DPH6: variants seen among roughly 807,000 people sequenced by gnomAD.
DPH6 encodes diphthamine biosynthesis 6, also known as diphthine--ammonia ligase.
In DPH6, 33 loss-of-function variants were observed where a neutral mutation model predicts 38.2. The ratio of observed to expected loss-of-function variants is 0.86; its 90% confidence interval spans 0.65 to 1.15. The LOEUF (loss-of-function observed/expected upper bound fraction) is 1.15, where lower values mean the gene tolerates loss of function less well. Ranked by LOEUF, DPH6 falls within the 50% of genes most tolerant of loss-of-function variation. The pLI, the probability that DPH6 is intolerant of heterozygous loss-of-function variation, is 0.00. For synonymous variants in DPH6, 108 were observed against 103.0 expected (o/e 1.05, Z -0.30); for missense variants, 325 against 320.0 (o/e 1.02, Z -0.12).
chr15:35,189,119 C>T, the DPH6 span, among the ~76,000 whole-genome samples: 2 of 152,050 alleles, frequency 1.3e-5, no homozygotes, highest in Non-Finnish European at 2.9e-5. Context: ...CTTCTTTGTT[C>T]TAATTCTTAC....
intron 7 of DPH6, among the ~76,000 whole-genome samples, chr15:35,379,451 G>A (rs2052833240): frequency 6.6e-6 from 1 of 152,048 alleles, no homozygotes. Flanking sequence ...CTAAATGATT[G>A]GATCCAGAAT....
intron 3 of DPH6, among the ~76,000 whole-genome samples, chr15:35,355,765 G>A (rs1297262543): frequency 6.6e-6 from 1 of 152,064 alleles, no homozygotes; most frequent in Admixed American, 6.6e-5. Flanking sequence ...ATGTGTCTTG[G>A]AGTTGCTCTT....
chr15:35,515,291 T>C (rs1325672567), intron 3 of DPH6, among the ~76,000 whole-genome samples: 2 of 152,008 alleles, frequency 1.3e-5, no homozygotes. Context: ...TAGAACAAAA[T>C]CATCTGAAAA....
chr15:35,441,599 G>C (rs989906990), intron 5 of DPH6, among the ~76,000 whole-genome samples: 1 of 152,186 alleles, frequency 6.6e-6, no homozygotes, highest in Non-Finnish European at 1.5e-5. Flanking sequence ...TCGTAAGTGG[G>C]AGTTGAACAA....
chr15:35,223,418 A>G lies in DPH6; in HGVS notation n.201-2836T>C, dbSNP rs72707080. Among the ~76,000 whole-genome samples, 243 of 152,204 alleles carry G rather than the reference A, an allele frequency of 1.6e-3. 1 individual carries two copies. Among genetic ancestry groups the G allele is most frequent in the East Asian group, 4.1e-3 (21 of 5,168 alleles). ...AATAGCAATGAAGGCCGGGTGCCCT[A>G]GCTTACGCCTGTAATCCCTGCACTT... is the stretch of plus-strand genomic sequence containing the variant. On this transcript the variant is annotated intron_variant and non_coding_transcript_variant, in intron 3 of 3. Transcript: ENST00000560386.
chr15:35,492,498 G>C (rs931510020), intron 3 of DPH6, among the ~76,000 whole-genome samples: 2 of 152,054 alleles, frequency 1.3e-5, no homozygotes, highest in African/African-American at 2.4e-5. Flanking sequence ...CTGGTAATTG[G>C]TAATAATAAT....
rs1369614343 is a variant in DPH6, at chr15:35,241,610, T to G, written n.201-21028A>C. Among the ~76,000 whole-genome samples the G allele has an allele frequency of 7.7e-5, 11 of 142,606 alleles. 2 individuals carry two copies. The highest frequency in any genetic ancestry group is 3.8e-4 in the Admixed American group (5 of 13,112). The allele number at this position is 142,606 out of a possible 152,430, so 93.6% of individuals were successfully genotyped here. A position where few individuals can be genotyped will look rare whatever the true frequency, so the allele number is the denominator to read the frequency against. Reference sequence around the variant, plus strand: ...TAGCCACATCTCATTGCTGCCCTTCTTCCCAATCCAAAGCCTCCTTTGCGT... The same window carrying G: ...TAGCCACATCTCATTGCTGCCCTTCGTCCCAATCCAAAGCCTCCTTTGCGT... On this transcript the variant is annotated intron_variant and non_coding_transcript_variant, in intron 3 of 3. Transcript: ENST00000560386.
intron 3 of DPH6, among the ~76,000 whole-genome samples, chr15:35,337,949 T>C (rs1031468018): frequency 3.9e-5 from 6 of 152,044 alleles, no homozygotes; most frequent in Middle Eastern, 3.4e-3. Context: ...CCCTATTTAA[T>C]AAATGGTGCT....
At position 35,279,718 on chromosome 15, in the gene DPH6, G is replaced by A. The variant is rs1455162746; in HGVS notation, n.201-59136C>T. Among the ~76,000 whole-genome samples, 3 of 152,226 alleles carry A rather than the reference G, an allele frequency of 2.0e-5. No homozygotes were observed. In the East Asian group the frequency reaches 5.8e-4, roughly 29 times the overall value. On this transcript the variant is annotated intron_variant and non_coding_transcript_variant, in intron 3 of 3. Coordinates refer to the DPH6 transcript ENST00000560386. The stretch of plus-strand genomic sequence containing the variant: ...AGCAGATGCCAGCACCGTGCTTCCT[G>A]TGCAGCCTGCAGAACTGTGAGCCAA...
the DPH6 span, among the ~76,000 whole-genome samples, chr15:35,146,652 C>A: frequency 6.6e-6 from 1 of 151,958 alleles, no homozygotes; most frequent in Non-Finnish European, 1.5e-5. Flanking sequence ...GTTGATCTGC[C>A]GTATTGCAGA....
chr15:35,450,797 T>G lies in DPH6; in HGVS notation c.393A>C (p.Lys131Asn), dbSNP rs1176839699. ...AAGCTAAAGGCTGGAGATTAAGCCT[T>G]TTACACCTACAAAAGAAAAAGAAAA... Reference protein sequence around the residue: ...YQRIRVENVCKRLNLQPLAYL... With the variant: ...YQRIRVENVCNRLNLQPLAYL... The change falls in exon 5 of 9, where the codon AAA becomes AAC. Residue 131 changes from lysine to asparagine, a missense_variant. By Grantham distance (94) the Lys-to-Asn change is moderately conservative. Transcript: ENST00000256538. The G allele has an allele frequency of 5.6e-6, 9 of 1,598,768 alleles. No individual in the cohort carries two copies. The highest frequency in any genetic ancestry group is 7.7e-6 in the Non-Finnish European group (9 of 1,174,034).
intron 3 of DPH6, among the ~76,000 whole-genome samples, chr15:35,349,195 T>C (rs1271860093): frequency 1.3e-5 from 2 of 152,174 alleles, no homozygotes; most frequent in Admixed American, 1.3e-4. Context: ...CTACGTTGAA[T>C]AGAAGTGGTG....
intron 6 of DPH6, among the ~76,000 whole-genome samples, chr15:35,383,619 T>A (rs1057451290): frequency 6.6e-6 from 1 of 152,216 alleles, no homozygotes; most frequent in African/African-American, 2.4e-5. Context: ...TATTACTGAT[T>A]CACCAGTATT....
chr15:35,422,364 G>C (rs2053516690), intron 5 of DPH6, among the ~76,000 whole-genome samples: 1 of 151,892 alleles, frequency 6.6e-6, no homozygotes, highest in Non-Finnish European at 1.5e-5. Flanking sequence ...TGAACTCATA[G>C]TAATAATGAA....
At chr15:35,147,458 A>G in the DPH6 span, among the ~76,000 whole-genome samples, 32,848 of 151,960 alleles carry the variant, frequency 0.22, 4,285 homozygotes, top group East Asian at 0.4. Flanking sequence ...AAGAGTAAAC[A>G]ATATAAAATT....
At chr15:35,395,363 G>T (rs1340538036) in intron 6 of DPH6, among the ~76,000 whole-genome samples, 1 of 152,082 alleles carries the variant, frequency 6.6e-6, no homozygotes, top group African/African-American at 2.4e-5. Context: ...ACTGCTGCCA[G>T]ATTAAATCTC....
the DPH6 span, among the ~76,000 whole-genome samples, chr15:35,201,521 T>C: frequency 6.6e-6 from 1 of 151,896 alleles, no homozygotes; most frequent in African/African-American, 2.4e-5. Flanking sequence ...CACTAGGATT[T>C]TGCCTGATAT....
chr15:35,310,052 G>C (rs950374789), intron 3 of DPH6, among the ~76,000 whole-genome samples: 2 of 152,042 alleles, frequency 1.3e-5, no homozygotes, highest in African/African-American at 4.8e-5. Flanking sequence ...CTCAAACTTA[G>C]GTGAACATTT....
the DPH6 span, among the ~76,000 whole-genome samples, chr15:35,205,677 T>C: frequency 6.6e-6 from 1 of 152,108 alleles, no homozygotes; most frequent in South Asian, 2.1e-4. Context: ...CATTCTGTTT[T>C]ATTTCTCAAT....
Sources: allele counts gnomAD v4.1 joint callset (sites outside exome capture counted in the v4.1 genomes callset), GRCh38; gene constraint gnomAD v4.1.1; transcripts MANE v1.5; gene names NCBI Gene and HGNC (gene_info 2026-07-23, HGNC 2026-07-21).